EYS: variants seen among roughly 807,000 people sequenced by gnomAD.
EYS encodes the protein protein eyes shut homolog.
EYS carries 250 observed loss-of-function variants against 282.1 expected under a neutral mutation model. The ratio of observed to expected loss-of-function variants is 0.89; its 90% CI spans 0.80 to 0.98. The LOEUF (loss-of-function observed/expected upper bound fraction) is 0.98, where lower values mean the gene tolerates loss of function less well. EYS is among the 50% of genes least tolerant of loss of function. The pLI, the probability that EYS is intolerant of heterozygous loss-of-function variation, is 0.00. For synonymous variants in EYS, 1,355 were observed against 1,282.9 expected (o/e 1.06, Z -1.20); for missense variants, 4,016 against 3,709.0 (o/e 1.08, Z -2.15).
chr6:63,789,211 A>T lies in EYS; in HGVS notation c.7425T>A (p.Asp2475Glu). 1 of 1,551,768 alleles carries T rather than the reference A, an allele frequency of 6.4e-7. No individual in the cohort carries two copies. The highest frequency in any genetic ancestry group is 8.7e-7 in the Non-Finnish European group (1 of 1,146,912). The change falls in exon 38 of 43, where the codon GAT becomes GAA. Residue 2475 changes from aspartate to glutamate, a missense_variant. Physicochemically the swap from Asp to Glu is conservative, Grantham distance 45. Transcript: ENST00000503581. Reference protein sequence around the residue: ...TGQKGHGLNGDDFLAVGLLNG... With the variant: ...TGQKGHGLNGEDFLAVGLLNG... ...TGAGCAGGCCCACAGCCAGGAAGTC[A>T]TCGCCATTCAACCCTGGAATGAGAA...
At chr6:64,616,931 A>T (rs969116432) in intron 24 of EYS, among the ~76,000 whole-genome samples, 1 of 151,962 alleles carries the variant, frequency 6.6e-6, no homozygotes, top group Admixed American at 6.6e-5. Flanking sequence ...TTTAATAGAG[A>T]CATTTTTACC....
chr6:65,313,280 A>G (rs966453922), intron 11 of EYS, among the ~76,000 whole-genome samples: 1 of 151,834 alleles, frequency 6.6e-6, no homozygotes, highest in Non-Finnish European at 1.5e-5. Flanking sequence ...AACCATCCAA[A>G]TGTTGACAGC....
intron 12 of EYS, among the ~76,000 whole-genome samples, chr6:65,264,051 T>C (rs1554172226): frequency 6.6e-5 from 10 of 152,088 alleles, no homozygotes; most frequent in Non-Finnish European, 5.9e-5. Context: ...GACATTTAAA[T>C]TTTCTTTCTT....
chr6:65,463,456 C>T (rs1764889448), intron 5 of EYS, among the ~76,000 whole-genome samples: 1 of 152,068 alleles, frequency 6.6e-6, no homozygotes, highest in Non-Finnish European at 1.5e-5. Context: ...TTACTGTTTT[C>T]TATTTTTATT....
chr6:64,732,209 TG>T (rs1373531591), intron 22 of EYS, among the ~76,000 whole-genome samples: 3 of 146,238 alleles, frequency 2.1e-5, no homozygotes, highest in African/African-American at 7.3e-5. Flanking sequence ...TACCTAATGT[TG>T]GTGATGGGTT....
intron 8 of EYS, among the ~76,000 whole-genome samples, chr6:65,356,021 A>G (rs1764469388): frequency 6.6e-6 from 1 of 152,080 alleles, no homozygotes; most frequent in Non-Finnish European, 1.5e-5. Flanking sequence ...AAGAGATACC[A>G]GCACAAGTAT....
intron 41 of EYS, chr6:63,744,859 C>T (rs750835713): frequency 9.4e-5 from 27 of 286,870 alleles, no homozygotes; most frequent in Non-Finnish European, 1.3e-4. Context: ...TGAGCCACTG[C>T]GCCCGGCCAG....
chr6:64,898,220 C>T (rs1767536195), intron 18 of EYS, among the ~76,000 whole-genome samples: 1 of 152,128 alleles, frequency 6.6e-6, no homozygotes, highest in Admixed American at 6.5e-5. Context: ...GTTGGGTTAT[C>T]TACAAAGGGA....
At chr6:64,946,101 A>G (rs1769282479) in intron 14 of EYS, among the ~76,000 whole-genome samples, 187 bp from the exon 15 acceptor site, 1 of 152,058 alleles carries the variant, frequency 6.6e-6, no homozygotes, top group African/African-American at 2.4e-5. Context: ...ATTCTTTAGT[A>G]TCTAATTAAA....
intron 7 of EYS, among the ~76,000 whole-genome samples, chr6:65,396,459 G>A (rs983382573): frequency 1.3e-5 from 2 of 152,000 alleles, no homozygotes; most frequent in African/African-American, 4.8e-5. Flanking sequence ...CATACTCTCT[G>A]TTGCCTCCTT....
intron 31 of EYS, among the ~76,000 whole-genome samples, chr6:64,099,699 G>A (rs2034985642): frequency 6.6e-6 from 1 of 152,064 alleles, no homozygotes; most frequent in African/African-American, 2.4e-5. Flanking sequence ...TGACACTTAG[G>A]AAAGTTTCAT....
intron 14 of EYS, among the ~76,000 whole-genome samples, chr6:64,947,652 T>C (rs9445443): frequency 6.9e-6 from 1 of 145,364 alleles, no homozygotes; most frequent in Non-Finnish European, 1.5e-5. Flanking sequence ...GCTTATTTTT[T>C]CTTTTTTTTT....
At chr6:64,603,264 T>A (rs1203511064) in intron 24 of EYS, among the ~76,000 whole-genome samples, 8 of 152,016 alleles carry the variant, frequency 5.3e-5, no homozygotes, top group Non-Finnish European at 1.2e-4. Context: ...CCACTTCTAC[T>A]CCATCCTCCT....
intron 26 of EYS, among the ~76,000 whole-genome samples, chr6:64,486,713 A>G (rs369300665): frequency 5.9e-4 from 89 of 151,466 alleles, no homozygotes; most frequent in African/African-American, 2.1e-3. Flanking sequence ...ACGTAGAATA[A>G]TATAGAATCA....
intron 22 of EYS, among the ~76,000 whole-genome samples, chr6:64,741,913 AT>A (rs1772385722): frequency 6.6e-6 from 1 of 152,154 alleles, no homozygotes; most frequent in South Asian, 2.1e-4. Flanking sequence ...CCTAGGAGCA[AT>A]GAGGCTGCTT....
intron 5 of EYS, among the ~76,000 whole-genome samples, chr6:65,427,457 ATAT>A (rs2150381308): frequency 6.6e-6 from 1 of 152,190 alleles, no homozygotes; most frequent in East Asian, 1.9e-4. Flanking sequence ...TTTTTGGTTA[ATAT>A]TATAAAATAT....
chr6:65,536,810 A>G (rs187371616), intron 2 of EYS, among the ~76,000 whole-genome samples: 34 of 152,250 alleles, frequency 2.2e-4, no homozygotes, highest in Non-Finnish European at 3.5e-4. Flanking sequence ...GAAAGACTCA[A>G]TATTGTCAGG....
intron 35 of EYS, among the ~76,000 whole-genome samples, chr6:63,961,831 T>C (rs1439565332): frequency 1.3e-5 from 2 of 152,208 alleles, no homozygotes; most frequent in African/African-American, 4.8e-5. Context: ...TACACCAACA[T>C]TCAGACTATA....
intron 2 of EYS, among the ~76,000 whole-genome samples, chr6:65,573,042 TA>T (rs1402001425): frequency 1.3e-5 from 2 of 152,246 alleles, no homozygotes; most frequent in South Asian, 2.1e-4. Context: ...GAAACATCTA[TA>T]ATTTAGCCTT....
Sources: allele counts gnomAD v4.1 joint callset (sites outside exome capture counted in the v4.1 genomes callset), GRCh38; gene constraint gnomAD v4.1.1; transcripts MANE v1.5; gene names NCBI Gene and HGNC (gene_info 2026-07-23, HGNC 2026-07-21).